GALNT17: variants seen among roughly 807,000 people sequenced by gnomAD.
The protein encoded by GALNT17 is UDP-GalNAc:polypeptide N-acetylgalactosaminyltransferase-like 3.
In GALNT17, 29 loss-of-function variants were observed where a neutral mutation model predicts 63.7. The observed-to-expected ratio is 0.46, with a 90% CI of 0.34 to 0.62. The LOEUF (loss-of-function observed/expected upper bound fraction) is 0.62, where lower values mean the gene tolerates loss of function less well. Among genes scored for constraint, GALNT17 ranks in the 20% least tolerant of loss-of-function variants. The probability of loss-of-function intolerance (pLI) is 0.01; values close to 1 mark genes in which losing one functional copy is unlikely to be tolerated. For missense variants in GALNT17, 603 were observed against 799.6 expected (o/e 0.75, Z 2.97); for synonymous variants, 305 against 318.3 (o/e 0.96, Z 0.45).
intron 5 of GALNT17, among the ~76,000 whole-genome samples, chr7:71,466,538 A>T (rs977940970): frequency 4.6e-5 from 7 of 152,250 alleles, no homozygotes; most frequent in Non-Finnish European, 1.0e-4. Context: ...TGTGGGGGAA[A>T]TTTGCATTCT....
At chr7:71,227,653 C>T (rs1789706738) in intron 1 of GALNT17, among the ~76,000 whole-genome samples, 1 of 152,126 alleles carries the variant, frequency 6.6e-6, no homozygotes, top group South Asian at 2.1e-4. Flanking sequence ...TGATGGCATA[C>T]AGCATGAGGT....
chr7:71,321,728 C>T (rs1037333205), intron 1 of GALNT17, among the ~76,000 whole-genome samples: 9 of 151,644 alleles, frequency 5.9e-5, no homozygotes, highest in African/African-American at 2.2e-4. Flanking sequence ...TTGCCTCAGC[C>T]TCTATATTGG....
chr7:71,185,307 G>A (rs1284572913), intron 1 of GALNT17, among the ~76,000 whole-genome samples: 1 of 151,122 alleles, frequency 6.6e-6, no homozygotes, highest in Non-Finnish European at 1.5e-5. Flanking sequence ...TCGGGCTCAG[G>A]TGATCCCCCC....
chr7:71,603,686 CT>C (rs1325422232), intron 6 of GALNT17, among the ~76,000 whole-genome samples: 2 of 151,736 alleles, frequency 1.3e-5, no homozygotes, highest in African/African-American at 4.8e-5. Context: ...ACACTAACTA[CT>C]ATGCTAAGTG....
chr7:71,599,707 C>T (rs987362162), intron 6 of GALNT17, among the ~76,000 whole-genome samples: 4 of 151,740 alleles, frequency 2.6e-5, no homozygotes, highest in Non-Finnish European at 5.9e-5. Context: ...CATCCTACAA[C>T]ACACAGGATA....
chr7:71,278,540 C>T (rs1790722580), intron 1 of GALNT17, among the ~76,000 whole-genome samples: 1 of 152,178 alleles, frequency 6.6e-6, no homozygotes, highest in Non-Finnish European at 1.5e-5. Context: ...TCTCAGGCTG[C>T]TACAAAGAAT....
intron 1 of GALNT17, among the ~76,000 whole-genome samples, chr7:71,261,121 T>C (rs936880241): frequency 6.6e-6 from 1 of 152,212 alleles, no homozygotes; most frequent in African/African-American, 2.4e-5. Flanking sequence ...CGATGGATTA[T>C]ATCAGAAAAT....
At chr7:71,698,551 C>T (rs2117107808) in intron 9 of GALNT17, among the ~76,000 whole-genome samples, 1 of 152,092 alleles carries the variant, frequency 6.6e-6, no homozygotes, top group Non-Finnish European at 1.5e-5. Flanking sequence ...GCAAAGTTGT[C>T]ACTGGTTAAA....
chr7:71,262,588 T>G (rs1409889993), intron 1 of GALNT17, among the ~76,000 whole-genome samples: 4 of 152,078 alleles, frequency 2.6e-5, no homozygotes, highest in African/African-American at 9.7e-5. Context: ...GAAAAGATCT[T>G]AAAGATCTTA....
chr7:71,611,980 C>T (rs1439667331), intron 6 of GALNT17, among the ~76,000 whole-genome samples: 1 of 152,126 alleles, frequency 6.6e-6, no homozygotes, highest in Non-Finnish European at 1.5e-5. Flanking sequence ...ACCACCCAGC[C>T]ACAATTTGGG....
intron 1 of GALNT17, among the ~76,000 whole-genome samples, chr7:71,241,481 C>T (rs1583790393): frequency 6.6e-6 from 1 of 152,132 alleles, no homozygotes; most frequent in East Asian, 1.9e-4. Flanking sequence ...AGATATAAAC[C>T]AAAGAACAGG....
intron 1 of GALNT17, among the ~76,000 whole-genome samples, chr7:71,201,220 TGG>T (rs1789160456): frequency 6.8e-6 from 1 of 147,886 alleles, no homozygotes; most frequent in Non-Finnish European, 1.5e-5. Flanking sequence ...TTTCTTTGTA[TGG>T]GGGTGTGTGT....
intron 1 of GALNT17, among the ~76,000 whole-genome samples, chr7:71,309,984 A>G (rs901450022): frequency 1.3e-5 from 2 of 152,126 alleles, no homozygotes; most frequent in African/African-American, 2.4e-5. Flanking sequence ...TTCTCGTGAT[A>G]GCGAATAAGT....
intron 5 of GALNT17, among the ~76,000 whole-genome samples, chr7:71,467,117 T>A (rs1787548955): frequency 6.6e-6 from 1 of 152,210 alleles, no homozygotes; most frequent in South Asian, 2.1e-4. Context: ...GCTTCTTTTA[T>A]CTCAAGGTTG....
At chr7:71,302,036 T>C (rs1414233315) in intron 1 of GALNT17, among the ~76,000 whole-genome samples, 2 of 152,226 alleles carry the variant, frequency 1.3e-5, no homozygotes, top group Non-Finnish European at 2.9e-5. Context: ...AATGAGATCA[T>C]GTCCTTTGCA....
intron 5 of GALNT17, among the ~76,000 whole-genome samples, chr7:71,448,472 A>G (rs544629927): frequency 5.3e-5 from 8 of 150,234 alleles, no homozygotes; most frequent in African/African-American, 2.0e-4. Context: ...CTGATTTTTC[A>G]TCTTTTATCT....
chr7:71,677,197 G>A lies in GALNT17; in HGVS notation c.1405-14G>A. 6.2e-7 allele frequency: 1 copy of A among 1,613,578 alleles called. No homozygotes were observed. The highest frequency in any genetic ancestry group is 8.5e-7 in the Non-Finnish European group (1 of 1,179,660). ...GCTGAGCTCTCATGGGTCGTGTTTT[G>A]TCTATTCTTGCAGCTTCGCAACAAC... On this transcript the variant is annotated splice_polypyrimidine_tract_variant and intron_variant, in intron 8 of 10. Coordinates refer to ENST00000333538, the MANE Select transcript of GALNT17 (RefSeq NM_022479.3).
chr7:71,605,330 A>G (rs923926321), intron 6 of GALNT17, among the ~76,000 whole-genome samples: 3 of 152,144 alleles, frequency 2.0e-5, no homozygotes, highest in Non-Finnish European at 4.4e-5. Flanking sequence ...GCTCACACCC[A>G]TAATCTCAGC....
chr7:71,509,453 C>T (rs752731916), intron 5 of GALNT17, among the ~76,000 whole-genome samples: 3 of 152,238 alleles, frequency 2.0e-5, no homozygotes, highest in Non-Finnish European at 1.5e-5. Context: ...TACTTGTGCT[C>T]AGCCCCATTC....
Sources: gnomAD v4.1 joint callset for allele counts (sites outside exome capture counted in the v4.1 genomes callset) on GRCh38, gnomAD v4.1.1 for gene constraint, MANE v1.5 for transcripts, NCBI Gene and HGNC (gene_info 2026-07-23, HGNC 2026-07-21) for gene names.